The following GPHN variants were observed in gnomAD, a reference collection of about 807,000 sequenced individuals.
GPHN encodes gephyrin.
A neutral mutation model predicts 95.5 loss-of-function variants in GPHN; 17 were observed. The observed-to-expected ratio is 0.18, with a 90% confidence interval of 0.12 to 0.27. The LOEUF (loss-of-function observed/expected upper bound fraction) is 0.27. GPHN is among the 10% of genes least tolerant of loss of function. GPHN has a pLI of 1.00. For synonymous variants in GPHN, 320 were observed against 322.5 expected (o/e 0.99, Z 0.08); for missense variants, 660 against 978.1 (o/e 0.67, Z 4.34).
the GPHN span, chr14:67,279,827 C>G: frequency 2.4e-5 from 8 of 328,066 alleles, no homozygotes; most frequent in Admixed American, 3.9e-4. Context: ...CCTTTTATAT[C>G]AAACCACAAA....
chr14:66,782,062 A>G (rs1054914206), intron 3 of GPHN, among the ~76,000 whole-genome samples: 1 of 152,154 alleles, frequency 6.6e-6, no homozygotes, highest in Non-Finnish European at 1.5e-5. Context: ...TTTTATTTAT[A>G]TGTGAGGTGA....
the GPHN span, among the ~76,000 whole-genome samples, chr14:67,694,489 C>T: frequency 2.8e-3 from 401 of 144,220 alleles, 4 homozygotes; most frequent in African/African-American, 1.0e-2. Flanking sequence ...CACACACACA[C>T]ATATATATAT....
At chr14:67,213,271 G>A in the GPHN span, among the ~76,000 whole-genome samples, 5 of 147,660 alleles carry the variant, frequency 3.4e-5, no homozygotes, top group African/African-American at 1.0e-4. Context: ...CCATTAACTC[G>A]TCATTTAGCA....
the GPHN span, among the ~76,000 whole-genome samples, chr14:67,407,552 C>T: frequency 6.6e-6 from 1 of 151,856 alleles, no homozygotes; most frequent in Non-Finnish European, 1.5e-5. Flanking sequence ...GCGATTCTCC[C>T]ATCTCAGCCT....
At chr14:66,538,419 G>T (rs778982616) in intron 1 of GPHN, among the ~76,000 whole-genome samples, 1 of 149,860 alleles carries the variant, frequency 6.7e-6, no homozygotes, top group Non-Finnish European at 1.5e-5. Flanking sequence ...TGTGTTAGGC[G>T]TTTTGACTGT....
At chr14:67,508,613 T>C in the GPHN span, among the ~76,000 whole-genome samples, 1 of 151,344 alleles carries the variant, frequency 6.6e-6, no homozygotes, top group Non-Finnish European at 1.5e-5. Flanking sequence ...CCAGGTGTAG[T>C]TCTGCACCTG....
At chr14:66,532,483 G>A (rs1267236541) in intron 1 of GPHN, among the ~76,000 whole-genome samples, 1 of 152,146 alleles carries the variant, frequency 6.6e-6, no homozygotes, top group African/African-American at 2.4e-5. Context: ...TATTCTGTTG[G>A]TCAAATAGTC....
At chr14:67,651,457 A>T in the GPHN span, 7 of 1,613,918 alleles carry the variant, frequency 4.3e-6, no homozygotes, top group Non-Finnish European at 5.9e-6. Context: ...TGATAATGGA[A>T]AGCAGCAGCT....
At chr14:67,470,454 C>T in the GPHN span, 2 of 152,448 alleles carry the variant, frequency 1.3e-5, no homozygotes, top group East Asian at 3.9e-4. Flanking sequence ...GCCTGCATCT[C>T]CTCCAGGTCT....
chr14:67,661,186 G>A, the GPHN span, among the ~76,000 whole-genome samples: 54 of 141,920 alleles, frequency 3.8e-4, no homozygotes, highest in African/African-American at 1.3e-3. Context: ...TACTAGCAGC[G>A]ACCAGAATTT....
At chr14:67,138,439 A>C (rs187128872) in intron 17 of GPHN, among the ~76,000 whole-genome samples, 137 of 152,262 alleles carry the variant, frequency 9.0e-4, no homozygotes, top group African/African-American at 3.0e-3. Flanking sequence ...AAAATCATGA[A>C]CTGTTTTCTC....
At chr14:67,416,212 T>A in the GPHN span, among the ~76,000 whole-genome samples, 1 of 152,196 alleles carries the variant, frequency 6.6e-6, no homozygotes, top group East Asian at 1.9e-4. Context: ...ATGCTTTGAG[T>A]AGAAAGCTTT....
At chr14:67,449,751 C>T in the GPHN span, among the ~76,000 whole-genome samples, 2 of 152,082 alleles carry the variant, frequency 1.3e-5, no homozygotes, top group Admixed American at 1.3e-4. Flanking sequence ...GGGTATTTCT[C>T]GTGCTGTTCT....
At chr14:67,517,795 G>A in the GPHN span, among the ~76,000 whole-genome samples, 1 of 152,206 alleles carries the variant, frequency 6.6e-6, no homozygotes, top group African/African-American at 2.4e-5. Context: ...AGGAAATTAA[G>A]GCTCAGAGAG....
intron 10 of GPHN, among the ~76,000 whole-genome samples, chr14:67,041,684 G>C (rs556878462): frequency 6.6e-6 from 1 of 152,294 alleles, no homozygotes; most frequent in Non-Finnish European, 1.5e-5. Context: ...ACATATGTGT[G>C]CATGTGTCTT....
At chr14:66,897,823 G>A (rs1247373187) in intron 5 of GPHN, among the ~76,000 whole-genome samples, 2 of 152,030 alleles carry the variant, frequency 1.3e-5, no homozygotes, top group African/African-American at 2.4e-5. Flanking sequence ...GCAGTTGCAG[G>A]TTTTCTGTTT....
At chr14:66,841,097 A>C (rs1375541963) in intron 4 of GPHN, among the ~76,000 whole-genome samples, 1 of 151,770 alleles carries the variant, frequency 6.6e-6, no homozygotes, top group South Asian at 2.1e-4. Context: ...GCAATGAGTT[A>C]AGAAGTCACA....
the GPHN span, chr14:67,555,785 A>G: frequency 1.4e-5 from 22 of 1,609,498 alleles, no homozygotes; most frequent in Non-Finnish European, 1.9e-5. Flanking sequence ...CACAGTAGGG[A>G]CATGGCACCT....
chr14:67,375,711 A>G, the GPHN span, among the ~76,000 whole-genome samples: 5 of 152,182 alleles, frequency 3.3e-5, no homozygotes, highest in Non-Finnish European at 7.3e-5. Flanking sequence ...ATATCTTCTT[A>G]ATAAACTCTA....
Sources: gnomAD v4.1 joint callset for allele counts (sites outside exome capture counted in the v4.1 genomes callset) on GRCh38, gnomAD v4.1.1 for gene constraint, MANE v1.5 for transcripts, NCBI Gene and HGNC (gene_info 2026-07-23, HGNC 2026-07-21) for gene names.